Variants in DCLK2 observed in about 807,000 individuals in gnomAD.
DCLK2 encodes the protein serine/threonine-protein kinase DCLK2.
A neutral mutation model predicts 78.4 loss-of-function variants in DCLK2; 31 were observed. The ratio of observed to expected loss-of-function variants is 0.40; its 90% CI spans 0.30 to 0.53. The LOEUF is 0.53. DCLK2 is among the 20% of genes least tolerant of loss of function. The pLI is 0.61. For synonymous variants in DCLK2, 407 were observed against 374.9 expected, an observed-to-expected ratio of 1.09 and a Z score of -0.99; for missense variants, 872 against 973.7, an observed-to-expected ratio of 0.90 and a Z score of 1.39.
chr4:150,188,152 G>A (rs1269935306), intron 2 of DCLK2, among the ~76,000 whole-genome samples: 1 of 152,104 alleles, frequency 6.6e-6, no homozygotes, highest in East Asian at 1.9e-4. Flanking sequence ...CAGTAGCAGT[G>A]ACTGAATTAA....
At chr4:150,136,707 T>C (rs952321589) in intron 2 of DCLK2, among the ~76,000 whole-genome samples, 2 of 152,172 alleles carry the variant, frequency 1.3e-5, no homozygotes, top group Admixed American at 1.3e-4. Flanking sequence ...CTTTTCTATG[T>C]GGTTAGCAAC....
chr4:150,226,381 T>C (rs1741609876), intron 8 of DCLK2, among the ~76,000 whole-genome samples: 1 of 152,168 alleles, frequency 6.6e-6, no homozygotes, highest in South Asian at 2.1e-4. Context: ...GCGATATTAC[T>C]AATGTTTTTC....
chr4:150,206,655 A>G (rs1484649647), intron 5 of DCLK2, among the ~76,000 whole-genome samples: 2 of 152,200 alleles, frequency 1.3e-5, no homozygotes, highest in Non-Finnish European at 2.9e-5. Flanking sequence ...AAGGCTAGGA[A>G]GTCTATTTTT....
At chr4:150,255,483 C>T (rs557451930) in intron 15 of DCLK2, among the ~76,000 whole-genome samples, 111 of 152,348 alleles carry the variant, frequency 7.3e-4, no homozygotes, top group African/African-American at 2.6e-3. Flanking sequence ...GAAGAGAAGA[C>T]AGGTGAGGAT....
intron 2 of DCLK2, among the ~76,000 whole-genome samples, chr4:150,150,411 G>A (rs1734802491): frequency 6.6e-6 from 1 of 151,906 alleles, no homozygotes; most frequent in Non-Finnish European, 1.5e-5. Flanking sequence ...CCTACCTCAG[G>A]GCTATTGTCA....
chr4:150,183,193 A>G (rs1398491123), intron 2 of DCLK2, among the ~76,000 whole-genome samples: 1 of 152,218 alleles, frequency 6.6e-6, no homozygotes, highest in Non-Finnish European at 1.5e-5. Flanking sequence ...ACTGAGATCC[A>G]GTGATGTTCC....
intron 6 of DCLK2, 105 bp downstream of exon 6, chr4:150,220,883 A>T (rs1433732226): frequency 4.6e-6 from 4 of 877,446 alleles, no homozygotes; most frequent in African/African-American, 3.4e-5. Context: ...CTAAAGAGGG[A>T]TGTGATCACA....
intron 7 of DCLK2, among the ~76,000 whole-genome samples, chr4:150,222,123 T>G (rs1196486808): frequency 6.6e-6 from 1 of 151,962 alleles, no homozygotes; most frequent in Non-Finnish European, 1.5e-5. Flanking sequence ...TCCCAGCTAA[T>G]TTTTAAATTT....
chr4:150,174,814 T>C (rs960496842), intron 2 of DCLK2, among the ~76,000 whole-genome samples: 1 of 150,070 alleles, frequency 6.7e-6, no homozygotes, highest in African/African-American at 2.5e-5. Flanking sequence ...CTGACCAACA[T>C]GGTGAAACCC....
At chr4:150,127,724 G>A (rs1733017588) in intron 2 of DCLK2, among the ~76,000 whole-genome samples, 1 of 152,094 alleles carries the variant, frequency 6.6e-6, no homozygotes, top group Non-Finnish European at 1.5e-5. Flanking sequence ...TCCTGATTTT[G>A]ATTCTTTGCA....
intron 15 of DCLK2, among the ~76,000 whole-genome samples, chr4:150,254,146 C>A (rs532705266): frequency 8.1e-4 from 123 of 152,268 alleles, no homozygotes; most frequent in African/African-American, 2.8e-3. Flanking sequence ...CAGGAGAGAC[C>A]ATCTTGTGGT....
chr4:150,195,373 AT>A lies in DCLK2; in HGVS notation c.859+2135del, dbSNP rs1213877615. Among the ~76,000 whole-genome samples the A allele has an allele frequency of 6.0e-3, 47 of 7,854 alleles. 19 individuals are homozygous for A. Among genetic ancestry groups the A allele is most frequent in the Admixed American group, 0.023 (11 of 472 alleles). 5.2% of individuals were successfully genotyped at this position (7,854 alleles called of 152,430 possible). ...TTATATATTATATATATTATATAAT[AT>A]TATATAATATATATATTATATAATA... is the stretch of plus-strand genomic sequence containing the variant. On this transcript the variant is annotated intron_variant, in intron 3 of 15. Transcript: ENST00000296550.
At chr4:150,190,240 T>TAGATAGAG (rs773001173) in intron 2 of DCLK2, among the ~76,000 whole-genome samples, 1 of 35,688 alleles carries the variant, frequency 2.8e-5, no homozygotes, top group Admixed American at 3.4e-4. Context: ...GATAGTTAGA[T>TAGATAGAG]AGATAGATAG....
intron 2 of DCLK2, among the ~76,000 whole-genome samples, chr4:150,185,489 G>A (rs370975003): frequency 1.3e-5 from 2 of 151,784 alleles, no homozygotes; most frequent in African/African-American, 2.4e-5. Flanking sequence ...CAATGCGGGC[G>A]GATCACCTGA....
intron 6 of DCLK2, 35 bp from the exon 7 acceptor site, chr4:150,221,642 G>A (rs754238415): frequency 1.4e-6 from 2 of 1,406,718 alleles, no homozygotes; most frequent in South Asian, 1.3e-5. Context: ...AAATGCTGAT[G>A]TTTTCTTTAG....
At chr4:150,253,939 G>GTGTA (rs1419394523) in intron 15 of DCLK2, 4 of 978,022 alleles carry the variant, frequency 4.1e-6, no homozygotes, top group Non-Finnish European at 4.9e-6. Flanking sequence ...GTATCAGTAA[G>GTGTA]TGTAATCTCA....
chr4:150,087,209 A>C (rs894119354), intron 1 of DCLK2, among the ~76,000 whole-genome samples: 5 of 152,224 alleles, frequency 3.3e-5, no homozygotes, highest in African/African-American at 1.2e-4. Flanking sequence ...CGGTTTGGTG[A>C]GGTCGCCCTA....
intron 2 of DCLK2, among the ~76,000 whole-genome samples, chr4:150,148,609 T>C (rs956092488): frequency 6.6e-6 from 1 of 152,124 alleles, no homozygotes; most frequent in African/African-American, 2.4e-5. Flanking sequence ...GTAAGTACAC[T>C]TTGATTCACC....
At chr4:150,232,571 G>A (rs1379581703) in intron 9 of DCLK2, 111 bp from the exon 10 acceptor site, 16 of 1,523,726 alleles carry the variant, frequency 1.1e-5, no homozygotes, top group South Asian at 4.9e-5. Context: ...TATAATCGCC[G>A]ATTTTAGTGG....
Sources: gnomAD v4.1 joint callset for allele counts (sites outside exome capture counted in the v4.1 genomes callset) on GRCh38, gnomAD v4.1.1 for gene constraint, MANE v1.5 for transcripts, NCBI Gene and HGNC (gene_info 2026-07-23, HGNC 2026-07-21) for gene names.